Variants in ABCC1 observed in about 807,000 individuals in gnomAD.
ABCC1 encodes the protein ATP binding cassette subfamily C member 1 (ABCC1 blood group).
In ABCC1, 83 loss-of-function variants were observed where a neutral mutation model predicts 172.9. That is an observed-to-expected ratio of 0.48 (90% CI 0.40 to 0.58). ABCC1 has a LOEUF of 0.58. ABCC1 is among the 20% of genes least tolerant of loss of function. ABCC1 has a pLI of 0.00. For synonymous variants in ABCC1, 937 were observed against 825.2 expected, an observed-to-expected ratio of 1.14 and a Z score of -2.32; for missense variants, 1,817 against 2,002.7, an observed-to-expected ratio of 0.91 and a Z score of 1.77.
At position 16,036,712 on chromosome 16, in the gene ABCC1, T is replaced by G. The variant is rs939175489; in HGVS notation, c.809+109T>G. On this transcript the variant is annotated intron_variant, in intron 7 of 30. Coordinates refer to ENST00000399410, the MANE Select transcript of ABCC1 (RefSeq NM_004996.4). ...GCAGTGCTGCCTGTTACTAGCTTTG[T>G]GGTTCTGGGCAAGATGCCTCACTTC... 2.8e-5 allele frequency: 35 copies of G among 1,245,616 alleles called. 1 individual carries two copies. The Middle Eastern group carries it at 5.8e-4, about 21-fold the overall frequency. The allele number at this position is 1,245,616 out of a possible 1,614,324, so 77.2% of individuals were successfully genotyped here.
At chr16:16,124,667 C>G (rs900712882) in intron 24 of ABCC1, 122 bp from the exon 25 acceptor site, 61 of 1,417,402 alleles carry the variant, frequency 4.3e-5, no homozygotes, top group Admixed American at 1.5e-4. Flanking sequence ...AGGACTCTCT[C>G]TGGAATTACT....
rs148151242 is a variant in ABCC1, at chr16:16,103,251, G to A, written c.2735+534G>A. On this transcript the variant is annotated intron_variant, in intron 20 of 30. Coordinates refer to ENST00000399410, the MANE Select transcript of ABCC1 (RefSeq NM_004996.4). ...CCTTAGATCCCTGGGGATTTATAGC[G>A]TATGCAGTATATTAACCATCCTAGC... Among the ~76,000 whole-genome samples, 252 of 152,222 alleles carry A rather than the reference G, an allele frequency of 1.7e-3. 1 individual carries two copies. The highest frequency in any genetic ancestry group is 0.015 in the South Asian group (70 of 4,824).
chr16:16,129,844 G>A (rs2045606794), intron 26 of ABCC1, among the ~76,000 whole-genome samples: 1 of 152,134 alleles, frequency 6.6e-6, no homozygotes, highest in Non-Finnish European at 1.5e-5. Flanking sequence ...GCAACGCTGT[G>A]ATTTTATAGC....
At chr16:16,044,724 G>A (rs920445815) in intron 8 of ABCC1, 44 bp downstream of exon 8, 2 of 1,559,784 alleles carry the variant, frequency 1.3e-6, no homozygotes, top group African/African-American at 2.7e-5. Flanking sequence ...TTCCCTCCTT[G>A]GCTTTGATCT....
intron 1 of ABCC1, among the ~76,000 whole-genome samples, chr16:15,963,540 T>C (rs1451891151): frequency 1.3e-5 from 2 of 152,094 alleles, no homozygotes; most frequent in Non-Finnish European, 2.9e-5. Context: ...TTTGCATACA[T>C]CCTCTGAAAT....
intron 24 of ABCC1, among the ~76,000 whole-genome samples, chr16:16,124,222 C>A (rs974852851): frequency 2.6e-5 from 4 of 151,974 alleles, no homozygotes; most frequent in African/African-American, 9.7e-5. Context: ...GGCCGAGAAA[C>A]GATGGTTATT....
Position 16,115,063 on chromosome 16 carries a change from A to G in ABCC1, c.3377A>G (p.Tyr1126Cys). ...ATCATCCCGCCCCTTGGCCTCATCT[A>G]CTTCTTCGTCCAGGTAAGGGGTGAG... ...AIIIPPLGLI[Y>C]FFVQRFYVAS... is the part of the protein sequence containing the mutation. Residue 1126 changes from tyrosine to cysteine, a missense_variant, in exon 23 of 31, where the codon TAC (tyrosine) becomes TGC (cysteine). Tyr to Cys is a radical substitution (Grantham distance 194). Around this residue, in one of 3 missense-constraint regions of ABCC1, gnomAD observed 1,412 missense variants for 1,600.3 expected, o/e 0.88. Coordinates refer to ENST00000399410, the MANE Select transcript of ABCC1 (RefSeq NM_004996.4). 6.2e-7 allele frequency: 1 copy of G among 1,613,542 alleles called. No homozygotes were observed. Among genetic ancestry groups the G allele is most frequent in the Non-Finnish European group, 8.5e-7 (1 of 1,179,602 alleles).
chr16:15,955,579 C>T (rs1362497966), intron 1 of ABCC1, among the ~76,000 whole-genome samples: 1 of 152,158 alleles, frequency 6.6e-6, no homozygotes, highest in Non-Finnish European at 1.5e-5. Context: ...CTCCTCCAGC[C>T]ACACTTGTGG....
At chr16:15,985,598 C>T (rs955141758) in intron 1 of ABCC1, among the ~76,000 whole-genome samples, 1 of 152,070 alleles carries the variant, frequency 6.6e-6, no homozygotes, top group South Asian at 2.1e-4. Flanking sequence ...GTGTGCACCA[C>T]CATGCCCAGC....
intron 26 of ABCC1, among the ~76,000 whole-genome samples, chr16:16,131,100 G>A (rs866218408): frequency 6.6e-6 from 1 of 151,920 alleles, no homozygotes; most frequent in Admixed American, 6.6e-5. Flanking sequence ...CAGCCTGGGC[G>A]ACAGAGTGAG....
chr16:16,036,519 G>A lies in ABCC1; in HGVS notation c.725G>A (p.Trp242Ter). 6.2e-7 allele frequency: 1 copy of A among 1,614,056 alleles called. No homozygotes were observed. Among genetic ancestry groups the A allele is most frequent in the Non-Finnish European group, 8.5e-7 (1 of 1,179,950 alleles). ...CAGCCCCTGGAGGGCAGTGACCTCTGGTCCTTAAACAAGGAGGACACGTCG... is the reference window on the plus strand; with the variant it reads ...CAGCCCCTGGAGGGCAGTGACCTCTAGTCCTTAAACAAGGAGGACACGTCG... ...YRQPLEGSDL[W>*]SLNKEDTSEQ... Residue 242 changes from tryptophan (W) to a stop codon, truncating the protein, a stop_gained, in exon 7 of 31, where the codon TGG becomes TAG. Transcript: ENST00000399410. LOFTEE classifies it high-confidence loss of function.
At chr16:16,104,881 C>T (rs2051998277) in intron 20 of ABCC1, among the ~76,000 whole-genome samples, 2 of 152,198 alleles carry the variant, frequency 1.3e-5, no homozygotes, top group South Asian at 4.1e-4. Flanking sequence ...GTGCTAAGCC[C>T]CTCACTACCC....
At chr16:16,054,068 G>A (rs927417182) in intron 11 of ABCC1, among the ~76,000 whole-genome samples, 1 of 151,402 alleles carries the variant, frequency 6.6e-6, no homozygotes, top group East Asian at 2.0e-4. Context: ...TCTGCCTCCC[G>A]GGTTCAAGTA....
At chr16:16,057,300 A>C (rs979977921) in intron 12 of ABCC1, among the ~76,000 whole-genome samples, 1 of 151,406 alleles carries the variant, frequency 6.6e-6, no homozygotes, top group Admixed American at 6.6e-5. Context: ...CTGAGGTTGC[A>C]GTGAGCCGAG....
At chr16:16,118,283 A>T (rs188046884) in intron 23 of ABCC1, among the ~76,000 whole-genome samples, 1 of 152,294 alleles carries the variant, frequency 6.6e-6, no homozygotes, top group East Asian at 1.9e-4. Flanking sequence ...GGTGGCATCC[A>T]GGGGGCCTTG....
At chr16:15,994,447 T>C (rs2046983462) in intron 1 of ABCC1, among the ~76,000 whole-genome samples, 1 of 152,154 alleles carries the variant, frequency 6.6e-6, no homozygotes, top group African/African-American at 2.4e-5. Flanking sequence ...GTTGGAAAGC[T>C]TAAATGGACT....
In ABCC1 at chr16:16,048,273, A is replaced by C. The variant is rs2049297560; in HGVS notation, c.1350A>C (p.Gln450His). 4 of 1,613,964 alleles carry C rather than the reference A, an allele frequency of 2.5e-6. No homozygotes were observed. The highest frequency in any genetic ancestry group is 2.7e-5 in the African/African-American group (2 of 74,912). Residue 450 changes from glutamine to histidine, a missense_variant, in exon 10 of 31, where the codon CAA becomes CAC. Gln to His is a conservative substitution (Grantham distance 24). Coordinates refer to ENST00000399410, the MANE Select transcript of ABCC1 (RefSeq NM_004996.4). ...YINMIWSAPL[Q>H]VILALYLLWL... ...ACATGATCTGGTCAGCCCCCCTGCA[A>C]GTCATCCTTGCTCTCTACCTCCTGT...
rs8187860 is a variant in ABCC1, at chr16:16,071,766, C to T, written c.1912+37C>T. 119 of 1,572,534 alleles carry T rather than the reference C, an allele frequency of 7.6e-5. No homozygotes were observed. In the African/African-American group the frequency reaches 8.5e-4, roughly 11 times the overall value. ...TTCAGTCCTGGCTTCTGGAAGTGGC[C>T]GCCTTCCCATCTCCCACTGGGTCCT... On this transcript the variant is annotated intron_variant, in intron 14 of 30. Coordinates refer to ENST00000399410, the MANE Select transcript of ABCC1 (RefSeq NM_004996.4).
intron 1 of ABCC1, among the ~76,000 whole-genome samples, chr16:15,976,723 A>G (rs936934225): frequency 2.0e-5 from 3 of 152,192 alleles, no homozygotes; most frequent in African/African-American, 7.2e-5. Flanking sequence ...CATAGTAGTG[A>G]TAATACTATG....
Sources: gnomAD v4.1 joint callset for allele counts (sites outside exome capture counted in the v4.1 genomes callset) on GRCh38, gnomAD v4.1.1 for gene constraint, gnomAD v4.1.1 regional missense constraint, MANE v1.5 for transcripts, NCBI Gene and HGNC (gene_info 2026-07-23, HGNC 2026-07-21) for gene names.